Variants in EXOC6B observed in about 807,000 individuals in gnomAD.
The protein encoded by EXOC6B is exocyst complex component 6B, also known as SEC15 homolog B.
Under a neutral mutation model 113.5 loss-of-function variants are expected in EXOC6B, and 54 were observed. The observed-to-expected ratio is 0.48, with a 90% CI of 0.38 to 0.60. EXOC6B has a LOEUF of 0.60. EXOC6B is among the 20% of genes least tolerant of loss of function. The pLI is 0.00. For synonymous variants in EXOC6B, 357 were observed against 339.0 expected, an observed-to-expected ratio of 1.05 and a Z score of -0.58; for missense variants, 797 against 977.5, an observed-to-expected ratio of 0.82 and a Z score of 2.46.
intron 18 of EXOC6B, among the ~76,000 whole-genome samples, chr2:72,442,995 C>T (rs537638852): frequency 5.3e-5 from 8 of 152,032 alleles, no homozygotes; most frequent in Non-Finnish European, 8.8e-5. Flanking sequence ...CTATACTACA[C>T]GGCTACAATA....
At chr2:72,535,043 C>A (rs1279210118) in intron 8 of EXOC6B, among the ~76,000 whole-genome samples, 1 of 152,124 alleles carries the variant, frequency 6.6e-6, no homozygotes, top group Middle Eastern at 3.2e-3. Context: ...AATGTGTTTC[C>A]CATTAACTAG....
chr2:72,275,319 G>T (rs1347094934), intron 20 of EXOC6B, among the ~76,000 whole-genome samples: 1 of 152,114 alleles, frequency 6.6e-6, no homozygotes, highest in Non-Finnish European at 1.5e-5. Flanking sequence ...GTTCCATAAA[G>T]TTGTCTAACC....
At chr2:72,300,185 C>T (rs933755913) in intron 20 of EXOC6B, among the ~76,000 whole-genome samples, 1 of 152,174 alleles carries the variant, frequency 6.6e-6, no homozygotes, top group African/African-American at 2.4e-5. Flanking sequence ...AAGTCTCTGA[C>T]TGGGGCTGCT....
rs1677923132 is a variant in EXOC6B, at chr2:72,179,129, C to T, written c.*206G>A. The T allele has an allele frequency of 1.8e-6, 1 of 552,122 alleles. No homozygotes were observed. The highest frequency in any genetic ancestry group is 3.1e-6 in the Non-Finnish European group (1 of 327,152). The allele number at this position is 552,122 out of a possible 1,614,324, so 34.2% of individuals were successfully genotyped here. ...GTGTAGTAATAACTTCCCCTGAGTC[C>T]CAGCCTAGCAACATCTCATGTACTT... is the stretch of plus-strand genomic sequence containing the variant. On this transcript the variant is annotated 3_prime_UTR_variant, in exon 22 of 22. Transcript: ENST00000272427.
intron 19 of EXOC6B, among the ~76,000 whole-genome samples, chr2:72,368,148 T>C (rs1298051137): frequency 1.3e-5 from 2 of 152,102 alleles, no homozygotes; most frequent in Non-Finnish European, 2.9e-5. Flanking sequence ...TCCTTCCTTC[T>C]GCTTAAGAAG....
At chr2:72,708,896 ATT>A (rs1159794341) in intron 6 of EXOC6B, among the ~76,000 whole-genome samples, 3 of 69,802 alleles carry the variant, frequency 4.3e-5, no homozygotes, top group East Asian at 5.5e-4. Flanking sequence ...CATCCAGCTA[ATT>A]TTTTTTTTTT....
intron 18 of EXOC6B, among the ~76,000 whole-genome samples, chr2:72,451,653 C>CCT (rs1255498382): frequency 1.9e-5 from 2 of 102,680 alleles, no homozygotes; most frequent in Admixed American, 1.7e-4. Flanking sequence ...TGTCTTTGTG[C>CCT]CTGTGTGTGT....
chr2:72,217,532 T>C (rs1428829458), intron 20 of EXOC6B, among the ~76,000 whole-genome samples: 1 of 152,012 alleles, frequency 6.6e-6, no homozygotes, highest in Non-Finnish European at 1.5e-5. Context: ...GCCAACAAAG[T>C]AAGAAAGAAA....
intron 6 of EXOC6B, among the ~76,000 whole-genome samples, chr2:72,674,032 G>A (rs1404982755): frequency 1.3e-5 from 2 of 152,014 alleles, no homozygotes; most frequent in African/African-American, 2.4e-5. Context: ...AACGATTTGG[G>A]GGGGGTTTCA....
chr2:72,748,978 A>G (rs916473868), intron 1 of EXOC6B, among the ~76,000 whole-genome samples: 2 of 152,124 alleles, frequency 1.3e-5, no homozygotes, highest in Admixed American at 6.6e-5. Context: ...TCACACTATT[A>G]GAACAAGTAA....
Position 72,176,742 on chromosome 2 carries a change from G to A in EXOC6B, c.*2593C>T, listed in dbSNP as rs1288976170. ...ACTGAACTGTCCCTTCAGGAATATA[G>A]ACCTGGTTTCCTCAAGAACTTGGCC... On this transcript the variant is annotated 3_prime_UTR_variant, in exon 22 of 22. Transcript: ENST00000272427. The A allele has an allele frequency of 6.6e-6, 1 of 152,170 alleles. No homozygotes were observed. The highest frequency in any genetic ancestry group is 2.4e-5 in the African/African-American group (1 of 41,450). 9.4% of individuals were successfully genotyped at this position (152,170 alleles called of 1,614,324 possible).
intron 6 of EXOC6B, among the ~76,000 whole-genome samples, chr2:72,681,152 C>T (rs1676672575): frequency 6.6e-6 from 1 of 152,262 alleles, no homozygotes; most frequent in East Asian, 1.9e-4. Flanking sequence ...CAACATACCC[C>T]TTTGCTCTCA....
intron 7 of EXOC6B, among the ~76,000 whole-genome samples, chr2:72,562,098 G>T (rs1703921247): frequency 6.6e-6 from 1 of 152,116 alleles, no homozygotes; most frequent in African/African-American, 2.4e-5. Flanking sequence ...GAACCAAGAA[G>T]AGTGCTGTGA....
chr2:72,317,156 GT>G (rs397949580), intron 20 of EXOC6B, among the ~76,000 whole-genome samples: 42 of 144,650 alleles, frequency 2.9e-4, no homozygotes, highest in South Asian at 8.8e-4. Flanking sequence ...ATTGTGGTTT[GT>G]TTTTTTTTTT....
intron 6 of EXOC6B, among the ~76,000 whole-genome samples, chr2:72,642,816 A>C (rs1278829897): frequency 1.3e-5 from 2 of 151,904 alleles, no homozygotes; most frequent in Non-Finnish European, 2.9e-5. Flanking sequence ...CTAACATCAG[A>C]GTGAACAGGC....
At chr2:72,335,202 A>G in intron 19 of EXOC6B, 182 bp from the exon 20 acceptor site, 1 of 587,774 alleles carries the variant, frequency 1.7e-6, no homozygotes, top group Non-Finnish European at 3.1e-6. Flanking sequence ...TCAAAACACC[A>G]TTAATTCCAG....
intron 19 of EXOC6B, among the ~76,000 whole-genome samples, chr2:72,366,015 A>G (rs1558595890): frequency 6.6e-6 from 1 of 152,210 alleles, no homozygotes; most frequent in Non-Finnish European, 1.5e-5. Context: ...AAGGAATACA[A>G]CACAGCATCC....
Position 72,465,344 on chromosome 2 carries a change from G to GA in EXOC6B, c.1801-6dup, listed in dbSNP as rs1697981214. The GA allele has an allele frequency of 2.6e-6, 4 of 1,561,520 alleles. No individual in the cohort carries two copies. The highest frequency in any genetic ancestry group is 3.5e-6 in the Non-Finnish European group (4 of 1,154,576). ...TTCAGCTGCATGTCTAGCATCCTGT[G>GA]AAAAAATATAAAATTTGAAAAATCA... On this transcript the variant is annotated splice_region_variant and splice_polypyrimidine_tract_variant and intron_variant, in intron 17 of 21. Transcript: ENST00000272427.
In EXOC6B at chr2:72,495,552, G is replaced by A; in HGVS notation, c.1444-13C>T. 7.1e-7 allele frequency: 1 copy of A among 1,412,746 alleles called. No individual in the cohort carries two copies. Among genetic ancestry groups the A allele is most frequent in the Non-Finnish European group, 1.0e-6 (1 of 1,004,924 alleles). The allele number at this position is 1,412,746 out of a possible 1,614,324, so 87.5% of individuals were successfully genotyped here. On this transcript the variant is annotated splice_polypyrimidine_tract_variant and intron_variant, in intron 14 of 21. Coordinates refer to ENST00000272427, the MANE Select transcript of EXOC6B (RefSeq NM_015189.3). The stretch of plus-strand genomic sequence containing the variant: ...TTGGAAATGGTTGCTGTAAATGCAA[G>A]AAGTAATGAAATCAAGTCACAAACC...
Sources: allele counts gnomAD v4.1 joint callset (sites outside exome capture counted in the v4.1 genomes callset), GRCh38; gene constraint gnomAD v4.1.1; transcripts MANE v1.5; gene names NCBI Gene and HGNC (gene_info 2026-07-23, HGNC 2026-07-21).